The following OR51B5 variants were observed in gnomAD, a reference collection of about 807,000 sequenced individuals.
OR51B5 encodes the protein olfactory receptor family 51 subfamily B member 5.
For missense variants in OR51B5, 456 were observed against 374.6 expected, an observed-to-expected ratio of 1.22 and a Z score of -1.79; for synonymous variants, 186 against 144.8, an observed-to-expected ratio of 1.28 and a Z score of -2.04.
At chr11:5,403,163 A>C (rs1287391521) in intron 1 of OR51B5, 3 of 470,984 alleles carry the variant, frequency 6.4e-6, no homozygotes, top group South Asian at 4.6e-5. Context: ...AATCTTATCT[A>C]TCTTGTGGGA....
chr11:5,378,996 TA>T (rs1849570072), intron 1 of OR51B5, among the ~76,000 whole-genome samples: 1 of 151,170 alleles, frequency 6.6e-6, no homozygotes, highest in African/African-American at 2.4e-5. Context: ...CATGCTGCTA[TA>T]AAGACACATG....
intron 1 of OR51B5, among the ~76,000 whole-genome samples, chr11:5,365,540 G>A (rs962004021): frequency 1.3e-5 from 2 of 152,106 alleles, no homozygotes; most frequent in African/African-American, 4.8e-5. Context: ...CTACCTCGAA[G>A]TTTTTTCACA....
At chr11:5,436,430 G>T (rs1039927623) in intron 1 of OR51B5, among the ~76,000 whole-genome samples, 1 of 152,164 alleles carries the variant, frequency 6.6e-6, no homozygotes, top group African/African-American at 2.4e-5. Context: ...CTGCTCACAG[G>T]CCTGAGATTC....
At chr11:5,377,863 T>C (rs1235912234) in intron 1 of OR51B5, among the ~76,000 whole-genome samples, 1 of 152,120 alleles carries the variant, frequency 6.6e-6, no homozygotes, top group African/African-American at 2.4e-5. Flanking sequence ...GAAGAATCAA[T>C]ATCATCAAAA....
Position 5,380,290 on chromosome 11 carries a change from C to G in OR51B5, n.85-33380G>C, listed in dbSNP as rs186087700. Among the ~76,000 whole-genome samples the G allele has an allele frequency of 5.4e-3, 815 of 152,230 alleles. 7 individuals are homozygous for G. The highest frequency in any genetic ancestry group is 0.018 in the African/African-American group (765 of 41,530). On this transcript the variant is annotated intron_variant and non_coding_transcript_variant, in intron 1 of 4. Coordinates refer to the OR51B5 transcript ENST00000415970. ...ACACAGATGCAGGTGTCCAGGGAGGCAGGGGGATGGACAAAATGAATTGCA... is the reference window on the plus strand; with the variant it reads ...ACACAGATGCAGGTGTCCAGGGAGGGAGGGGGATGGACAAAATGAATTGCA...
intron 1 of OR51B5, among the ~76,000 whole-genome samples, chr11:5,406,133 C>T (rs1363926124): frequency 6.6e-6 from 1 of 152,108 alleles, no homozygotes; most frequent in Non-Finnish European, 1.5e-5. Flanking sequence ...AAGTCATTTC[C>T]ATTTTCTTTC....
intron 1 of OR51B5, among the ~76,000 whole-genome samples, chr11:5,373,444 G>A (rs577477746): frequency 6.8e-4 from 104 of 152,288 alleles, no homozygotes; most frequent in Non-Finnish European, 9.4e-4. Context: ...GAGGTATGGG[G>A]TTCATCTCGC....
chr11:5,376,658 G>A (rs1216944496), intron 1 of OR51B5, among the ~76,000 whole-genome samples: 1 of 151,860 alleles, frequency 6.6e-6, no homozygotes, highest in African/African-American at 2.4e-5. Flanking sequence ...AATACAAACT[G>A]CCATCAGAGA....
chr11:5,362,675 C>T (rs1709747024), intron 1 of OR51B5: 1 of 207,882 alleles, frequency 4.8e-6, no homozygotes, highest in South Asian at 1.1e-4. Context: ...CTTCCCCCAT[C>T]TGATTGTAGA....
At chr11:5,378,013 A>T (rs1849553936) in intron 1 of OR51B5, among the ~76,000 whole-genome samples, 1 of 144,916 alleles carries the variant, frequency 6.9e-6, no homozygotes, top group Non-Finnish European at 1.6e-5. Flanking sequence ...GTCAATCCTA[A>T]GCCAAAAGAA....
chr11:5,456,014 GCTC>G (rs1250939022), intron 1 of OR51B5: 8 of 152,106 alleles, frequency 5.3e-5, no homozygotes, highest in South Asian at 4.2e-4. Flanking sequence ...CATATTAGAA[GCTC>G]CTATTTCAAC....
chr11:5,433,182 G>A (rs550399488), intron 1 of OR51B5, among the ~76,000 whole-genome samples: 7 of 152,114 alleles, frequency 4.6e-5, no homozygotes, highest in African/African-American at 1.7e-4. Context: ...ATTTAACCAA[G>A]AATATATGCA....
At chr11:5,466,235 G>A (rs959623689) in intron 1 of OR51B5, among the ~76,000 whole-genome samples, 1 of 152,030 alleles carries the variant, frequency 6.6e-6, no homozygotes, top group Non-Finnish European at 1.5e-5. Flanking sequence ...ATAAAGATGA[G>A]GCTTTTTTCA....
intron 1 of OR51B5, among the ~76,000 whole-genome samples, chr11:5,404,769 C>A (rs148731886): frequency 6.6e-6 from 1 of 152,160 alleles, no homozygotes; most frequent in Non-Finnish European, 1.5e-5. Flanking sequence ...CTGAAGTCAG[C>A]GAGACCACGA....
intron 1 of OR51B5, among the ~76,000 whole-genome samples, chr11:5,405,848 A>G (rs1212666092): frequency 1.3e-5 from 2 of 152,132 alleles, no homozygotes; most frequent in African/African-American, 4.8e-5. Flanking sequence ...CTATAACCAT[A>G]CCCTAAATTA....
At chr11:5,352,352 C>T in intron 1 of OR51B5, 2 of 1,613,850 alleles carry the variant, frequency 1.2e-6, no homozygotes, top group South Asian at 1.1e-5. Context: ...TTCCTTTTCC[C>T]ACCTTTTATG....
At chr11:5,414,830 A>T (rs1850213263) in intron 1 of OR51B5, among the ~76,000 whole-genome samples, 1 of 152,192 alleles carries the variant, frequency 6.6e-6, no homozygotes, top group African/African-American at 2.4e-5. Context: ...ATAATGGGAG[A>T]CTTTAACACC....
chr11:5,451,218 G>C (rs1238792429), intron 1 of OR51B5, among the ~76,000 whole-genome samples: 2 of 152,220 alleles, frequency 1.3e-5, no homozygotes, highest in Non-Finnish European at 2.9e-5. Context: ...ATATAATTCT[G>C]GAACAGTCAG....
In OR51B5 at chr11:5,422,295, C is replaced by T. The variant is rs765018888; in HGVS notation, n.85-75385G>A. ...GCCTCCCACATCTGGATCTCCATCC[C>T]CGTCTGCTGTCTCTACACCATCTCC... On this transcript the variant is annotated intron_variant and non_coding_transcript_variant, in intron 1 of 4. Coordinates refer to the OR51B5 transcript ENST00000415970. 3.3e-5 allele frequency: 54 copies of T among 1,613,990 alleles called. 1 individual carries two copies. In the South Asian group the frequency reaches 5.6e-4, roughly 17 times the overall value.
Sources: gnomAD v4.1 joint callset for allele counts (sites outside exome capture counted in the v4.1 genomes callset) on GRCh38, gnomAD v4.1.1 for gene constraint, MANE v1.5 for transcripts, NCBI Gene and HGNC (gene_info 2026-07-23, HGNC 2026-07-21) for gene names.